CYP2F1: variants seen among roughly 807,000 people sequenced by gnomAD.
The protein encoded by CYP2F1 is cytochrome P450 family 2 subfamily F member 1.
Under a neutral mutation model 40.4 loss-of-function variants are expected in CYP2F1, and 33 were observed. The ratio of observed to expected loss-of-function variants is 0.82; its 90% CI spans 0.62 to 1.09. The LOEUF is 1.09. Among genes scored for constraint, CYP2F1 ranks in the 50% least tolerant of loss-of-function variants. CYP2F1 has a pLI of 0.00. For synonymous variants in CYP2F1, 235 were observed against 277.2 expected, an observed-to-expected ratio of 0.85 and a Z score of 1.51; for missense variants, 566 against 655.7, an observed-to-expected ratio of 0.86 and a Z score of 1.49.
Position 41,123,271 on chromosome 19 carries a change from C to T in CYP2F1, c.964+308C>T, listed in dbSNP as rs755033186. ...GGAGTGCAGTGGCGTGATCTCGATC[C>T]GCTCACTGCAACCTCCCCCTCCCGA... On this transcript the variant is annotated intron_variant, in intron 7 of 9. Coordinates refer to ENST00000331105, the MANE Select transcript of CYP2F1 (RefSeq NM_000774.5). The T allele has an allele frequency of 2.6e-4, 119 of 466,192 alleles. 1 individual carries two copies. Among genetic ancestry groups the T allele is most frequent in the South Asian group, 1.8e-3 (107 of 60,260 alleles). The allele number at this position is 466,192 out of a possible 1,614,324, so 28.9% of individuals were successfully genotyped here. A position where few individuals can be genotyped will look rare whatever the true frequency, so the allele number is the denominator to read the frequency against.
At chr19:41,122,303 G>A (rs2032264566) in intron 6 of CYP2F1, among the ~76,000 whole-genome samples, 170 bp downstream of exon 6, 2 of 151,862 alleles carry the variant, frequency 1.3e-5, no homozygotes, top group South Asian at 2.1e-4. Flanking sequence ...CGCAGCCACC[G>A]CCAACTTACA....
chr19:41,119,683 GTCTCTCTCTC>G (rs1159535426), intron 3 of CYP2F1, among the ~76,000 whole-genome samples: 796 of 13,298 alleles, frequency 0.06, 21 homozygotes, highest in African/African-American at 0.085. Flanking sequence ...GCAAGACTCC[GTCTCTCTCTC>G]TCTCTCTCTC....
intron 7 of CYP2F1, chr19:41,123,348 C>T: frequency 2.8e-6 from 1 of 363,486 alleles, no homozygotes; most frequent in Non-Finnish European, 5.4e-6. Context: ...ATTACAGCCT[C>T]CCAAGTAGCT....
intron 3 of CYP2F1, among the ~76,000 whole-genome samples, chr19:41,119,746 TATACACACACACACAC>T (rs1348291305): frequency 3.9e-4 from 21 of 54,214 alleles, no homozygotes; most frequent in African/African-American, 1.4e-3. Context: ...TATATATATA[TATACACACACACACAC>T]ACACACACAC....
In CYP2F1 at chr19:41,116,165, C is replaced by T. The variant is rs1450494672; in HGVS notation, c.-11-13C>T. 8 of 1,604,570 alleles carry T rather than the reference C, an allele frequency of 5.0e-6. No individual in the cohort carries two copies. Among genetic ancestry groups the T allele is most frequent in the Non-Finnish European group, 6.0e-6 (7 of 1,175,008 alleles). On this transcript the variant is annotated splice_polypyrimidine_tract_variant and intron_variant, in intron 1 of 9. Transcript: ENST00000331105. The stretch of plus-strand genomic sequence containing the variant: ...CGATGTCCTCTCCCACTTTGCCCTC[C>T]ACACGCCAGCAGCTGCCTTCACCAT...
chr19:41,124,984 C>A, intron 8 of CYP2F1, 78 bp downstream of exon 8: 1 of 1,300,676 alleles, frequency 7.7e-7, no homozygotes, highest in Non-Finnish European at 1.0e-6. Flanking sequence ...AGGAGTATCC[C>A]AGGCACTAGC....
chr19:41,119,723 C>CTCTCTCTCTATATATA (rs1478574507), intron 3 of CYP2F1, among the ~76,000 whole-genome samples: 16 of 35,790 alleles, frequency 4.5e-4, no homozygotes, highest in Admixed American at 8.6e-4. Context: ...CTCTCTCTCT[C>CTCTCTCTCTATATATA]TATATATATA....
chr19:41,125,263 T>A (rs368143029), intron 8 of CYP2F1: 4 of 589,608 alleles, frequency 6.8e-6, no homozygotes, highest in Non-Finnish European at 1.2e-5. Flanking sequence ...CCCACAAAGG[T>A]TGGGGGTTTC....
In CYP2F1 at chr19:41,120,328, C is replaced by T. The variant is rs1018532449; in HGVS notation, c.335-19C>T. On this transcript the variant is annotated intron_variant, in intron 3 of 9. Coordinates refer to ENST00000331105, the MANE Select transcript of CYP2F1 (RefSeq NM_000774.5). ...AGGATGAGTTCCCGGTTAAGCTGGT[C>T]CCCTCCTCTTCTCCCCAGGCATCGC... The T allele has an allele frequency of 3.2e-6, 5 of 1,573,912 alleles. No individual in the cohort carries two copies. Among genetic ancestry groups the T allele is most frequent in the African/African-American group, 2.7e-5 (2 of 72,766 alleles).
At chr19:41,114,681 C>G (rs79844516) in intron 1 of CYP2F1, among the ~76,000 whole-genome samples, 189 bp downstream of exon 1, 9,305 of 152,140 alleles carry the variant, frequency 0.061, 453 homozygotes, top group Admixed American at 0.14. Context: ...GGTGGCTTCT[C>G]TCTCTGCAAT....
At position 41,116,295 on chromosome 19, in the gene CYP2F1, C is replaced by T; in HGVS notation, c.107C>T (p.Pro36Leu). 11 of 1,614,072 alleles carry T rather than the reference C, an allele frequency of 6.8e-6. No individual in the cohort carries two copies. The highest frequency in any genetic ancestry group is 2.2e-5 in the East Asian group (1 of 44,860). Reference protein sequence around the residue: ...DKGKLPPGPRPLSILGNLLLL... With the variant: ...DKGKLPPGPRLLSILGNLLLL... ...GGAAAGCTGCCTCCGGGACCCAGACCCCTCTCAATCCTGGGAAACCTGCTG... is the reference window on the plus strand; with the variant it reads ...GGAAAGCTGCCTCCGGGACCCAGACTCCTCTCAATCCTGGGAAACCTGCTG... Residue 36 changes from proline to leucine, a missense_variant, in exon 2 of 10, where the codon CCC becomes CTC. Around this residue, in one of 5 missense-constraint regions of CYP2F1, gnomAD observed 264 missense variants for 275.7 expected, o/e 0.96. Coordinates refer to ENST00000331105, the MANE Select transcript of CYP2F1 (RefSeq NM_000774.5).
Position 41,116,375 on chromosome 19 carries a change from C to T in CYP2F1, c.171+16C>T. On this transcript the variant is annotated intron_variant, in intron 2 of 9. Transcript: ENST00000331105. Reference sequence around the variant, plus strand: ...TCTCACTAAGGTGCAAGGCCCTTAGCTTGGGTGATGGTGGAAGGATAAGGA... The same window carrying T: ...TCTCACTAAGGTGCAAGGCCCTTAGTTTGGGTGATGGTGGAAGGATAAGGA... 6 of 1,612,860 alleles carry T rather than the reference C, an allele frequency of 3.7e-6. No individual in the cohort carries two copies. Among genetic ancestry groups the T allele is most frequent in the Non-Finnish European group, 5.1e-6 (6 of 1,179,318 alleles).
At chr19:41,127,496 C>T (rs568397772) in intron 9 of CYP2F1, among the ~76,000 whole-genome samples, 13 of 152,176 alleles carry the variant, frequency 8.5e-5, no homozygotes, top group South Asian at 2.1e-4. Context: ...CCACCTTGCA[C>T]ATTTTTAAAA....
At chr19:41,121,735 C>A (rs1281076630) in intron 5 of CYP2F1, 117 bp downstream of exon 5, 13 of 1,051,132 alleles carry the variant, frequency 1.2e-5, no homozygotes, top group Non-Finnish European at 1.8e-5. Context: ...CGCCCCCTCC[C>A]ATCTGACCCC....
At chr19:41,126,372 C>A (rs913666274) in intron 9 of CYP2F1, among the ~76,000 whole-genome samples, 2 of 151,916 alleles carry the variant, frequency 1.3e-5, no homozygotes, top group Admixed American at 6.6e-5. Flanking sequence ...TTGCAGTGAG[C>A]CAAGATCATG....
chr19:41,120,386 G>A lies in CYP2F1; in HGVS notation c.374G>A (p.Arg125Lys). The A allele has an allele frequency of 6.2e-7, 1 of 1,613,872 alleles. No individual in the cohort carries two copies. Reference protein sequence around the residue: ...FSSGDRWKVLRQFSIQILRNF... With the variant: ...FSSGDRWKVLKQFSIQILRNF... ...AGTGGGGATCGATGGAAGGTCCTGA[G>A]ACAGTTCTCTATCCAGATTCTACGG... is the stretch of plus-strand genomic sequence containing the variant. The change falls in exon 4 of 10, where the codon AGA (arginine) becomes AAA (lysine). Residue 125 changes from arginine to lysine, a missense_variant. Around this residue, in one of 5 missense-constraint regions of CYP2F1, gnomAD observed 264 missense variants for 275.7 expected, o/e 0.96. Transcript: ENST00000331105.
rs1205899633 is a variant in CYP2F1 at position 41,116,558 on chromosome 19, G to A, written c.275G>A (p.Gly92Glu). ...GTGAAGGAGGCCCTGGTGGACCAGGGAGAGGAGTTTAGTGGCCGCGGTGAC... is the reference window on the plus strand; with the variant it reads ...GTGAAGGAGGCCCTGGTGGACCAGGAAGAGGAGTTTAGTGGCCGCGGTGAC... ...QAVKEALVDQ[G>E]EEFSGRGDYP... Residue 92 changes from glycine (G) to glutamate (E), a missense_variant, in exon 3 of 10, where the codon GGA becomes GAA. Gly to Glu is a moderately conservative substitution (Grantham distance 98). Coordinates refer to ENST00000331105, the MANE Select transcript of CYP2F1 (RefSeq NM_000774.5). 1 of 1,613,918 alleles carries A rather than the reference G, an allele frequency of 6.2e-7. No homozygotes were observed. Among genetic ancestry groups the A allele is most frequent in the Non-Finnish European group, 8.5e-7 (1 of 1,179,990 alleles).
rs142002594 is a variant in CYP2F1, at chr19:41,116,187, C to A, written c.-2C>A. 6.2e-5 allele frequency: 99 copies of A among 1,602,002 alleles called. 1 individual carries two copies. In the African/African-American group the frequency reaches 1.4e-3, roughly 22 times the overall value. ...CTCCACACGCCAGCAGCTGCCTTCA[C>A]CATGGACAGCATAAGCACAGCCATC... On this transcript the variant is annotated 5_prime_UTR_variant, in exon 2 of 10. Transcript: ENST00000331105.
chr19:41,124,629 C>T (rs1278372367), intron 7 of CYP2F1, 90 bp from the exon 8 acceptor site: 3 of 1,192,356 alleles, frequency 2.5e-6, no homozygotes, highest in Admixed American at 4.6e-5. Flanking sequence ...TGACTAGACG[C>T]CTCCCCACAC....
Sources: allele counts gnomAD v4.1 joint callset (sites outside exome capture counted in the v4.1 genomes callset), GRCh38; gene constraint gnomAD v4.1.1; regional missense constraint gnomAD v4.1.1; transcripts MANE v1.5; gene names NCBI Gene and HGNC (gene_info 2026-07-23, HGNC 2026-07-21).